The following NRG1 variants were observed in gnomAD, a reference collection of about 807,000 sequenced individuals.
NRG1 encodes pro-neuregulin-1, membrane-bound isoform.
In NRG1, 18 loss-of-function variants were observed where a neutral mutation model predicts 63.8. The observed-to-expected ratio is 0.28, with a 90% CI of 0.19 to 0.42. The LOEUF (loss-of-function observed/expected upper bound fraction) is 0.42, where lower values mean the gene tolerates loss of function less well. Among genes scored for constraint, NRG1 ranks in the 10% least tolerant of loss-of-function variants. The pLI, the probability that NRG1 is intolerant of heterozygous loss-of-function variation, is 1.00. For missense variants in NRG1, 762 were observed against 814.7 expected, an observed-to-expected ratio of 0.94 and a Z score of 0.79; for synonymous variants, 302 against 301.3, an observed-to-expected ratio of 1.00 and a Z score of -0.02.
chr8:32,266,966 T>C (rs1851019977), intron 1 of NRG1, among the ~76,000 whole-genome samples: 1 of 151,446 alleles, frequency 6.6e-6, no homozygotes, highest in African/African-American at 2.4e-5. Flanking sequence ...GGAGAATCAC[T>C]TGAACCTGGG....
intron 1 of NRG1, among the ~76,000 whole-genome samples, chr8:32,570,280 T>G (rs1838300483): frequency 6.6e-6 from 1 of 152,172 alleles, no homozygotes; most frequent in African/African-American, 2.4e-5. Flanking sequence ...ACCTTTTATT[T>G]TAGGTCTTAT....
At chr8:32,025,511 T>C (rs1046619158) in intron 1 of NRG1, among the ~76,000 whole-genome samples, 1 of 152,246 alleles carries the variant, frequency 6.6e-6, no homozygotes, top group Non-Finnish European at 1.5e-5. Flanking sequence ...ATTTTGCTTT[T>C]AGAGGAACTA....
chr8:31,776,276 C>A (rs1167024087), intron 1 of NRG1, among the ~76,000 whole-genome samples: 1 of 152,180 alleles, frequency 6.6e-6, no homozygotes, highest in Admixed American at 6.5e-5. Flanking sequence ...AACAGATGTC[C>A]TTGTGCCTCC....
At chr8:31,960,628 G>A (rs931040619) in intron 1 of NRG1, among the ~76,000 whole-genome samples, 3 of 152,182 alleles carry the variant, frequency 2.0e-5, no homozygotes, top group Middle Eastern at 3.2e-3. Context: ...TTGGTTTCCA[G>A]TCTACGGAGC....
At chr8:32,769,687 G>C (rs180884145), downstream of NRG1, among the ~76,000 whole-genome samples, 247 of 152,236 alleles carry the variant, frequency 1.6e-3, no homozygotes, top group African/African-American at 5.7e-3. Flanking sequence ...AGATTAACTT[G>C]GCAGGAAATA....
chr8:31,846,129 C>A (rs772702607), intron 1 of NRG1, among the ~76,000 whole-genome samples: 1 of 152,202 alleles, frequency 6.6e-6, no homozygotes, highest in African/African-American at 2.4e-5. Context: ...GCTGATAAGA[C>A]CTTCTCACAG....
rs573135960 is a variant in NRG1 at position 32,361,990 on chromosome 8, C to T, written c.38-233838C>T. Among the ~76,000 whole-genome samples the T allele has an allele frequency of 3.3e-5, 5 of 152,252 alleles. No homozygotes were observed. The South Asian group carries it at 6.2e-4, about 19-fold the overall frequency. The stretch of plus-strand genomic sequence containing the variant: ...CACAAAGCTGACTCCCATGAGCTCT[C>T]CAGAGATGATCTCAAGTGTCACTTT... On this transcript the variant is annotated intron_variant, in intron 1 of 10. Coordinates refer to the NRG1 transcript ENST00000519301.
intron 1 of NRG1, among the ~76,000 whole-genome samples, chr8:32,473,735 G>A (rs1824133602): frequency 2.0e-5 from 3 of 152,168 alleles, no homozygotes; most frequent in African/African-American, 4.8e-5. Flanking sequence ...CCAGGCTGGA[G>A]TGCAGGGACA....
chr8:32,101,534 A>T (rs6985006), intron 1 of NRG1, among the ~76,000 whole-genome samples: 5,904 of 148,964 alleles, frequency 0.04, 265 homozygotes, highest in African/African-American at 0.11. Context: ...AAGAAATATG[A>T]CCTAGACTGT....
intron 1 of NRG1, among the ~76,000 whole-genome samples, chr8:32,194,654 G>A (rs1437852207): frequency 6.6e-6 from 1 of 152,072 alleles, no homozygotes; most frequent in African/African-American, 2.4e-5. Context: ...CCCACTGAAT[G>A]TGCTTCTCTA....
intron 1 of NRG1, among the ~76,000 whole-genome samples, chr8:31,948,990 C>T (rs189970595): frequency 3.2e-4 from 48 of 152,058 alleles, no homozygotes; most frequent in East Asian, 3.1e-3. Flanking sequence ...TCAATTCAAA[C>T]GAAATGTATT....
intron 1 of NRG1, among the ~76,000 whole-genome samples, chr8:32,210,629 TA>T (rs1281773744): frequency 2.0e-5 from 3 of 152,180 alleles, no homozygotes; most frequent in Non-Finnish European, 4.4e-5. Context: ...ACTTCATCAC[TA>T]AAAAAGCCAA....
chr8:32,535,781 T>C (rs1831903896), intron 1 of NRG1, among the ~76,000 whole-genome samples: 1 of 152,178 alleles, frequency 6.6e-6, no homozygotes, highest in African/African-American at 2.4e-5. Flanking sequence ...TAAAATACCA[T>C]GTCAGCGCAC....
At chr8:31,755,894 T>A (rs1454361759) in intron 1 of NRG1, among the ~76,000 whole-genome samples, 1 of 152,112 alleles carries the variant, frequency 6.6e-6, no homozygotes, top group East Asian at 1.9e-4. Flanking sequence ...AGAAAAAGAT[T>A]TTCCCATAGG....
At chr8:32,155,274 G>T (rs1483778811) in intron 1 of NRG1, among the ~76,000 whole-genome samples, 1 of 151,988 alleles carries the variant, frequency 6.6e-6, no homozygotes, top group African/African-American at 2.4e-5. Flanking sequence ...TAATACTCTT[G>T]CTCCACAAAG....
intron 1 of NRG1, among the ~76,000 whole-genome samples, chr8:31,949,361 C>G (rs889716143): frequency 2.4e-4 from 37 of 152,176 alleles, no homozygotes; most frequent in Non-Finnish European, 4.3e-4. Context: ...ACTTGTCTGC[C>G]TTTATCATCT....
chr8:31,948,031 A>T (rs402467), intron 1 of NRG1, among the ~76,000 whole-genome samples: 4,722 of 151,196 alleles, frequency 0.031, 250 homozygotes, highest in African/African-American at 0.11. Context: ...ATTACTATAT[A>T]TATTTATAAA....
intron 1 of NRG1, among the ~76,000 whole-genome samples, chr8:31,938,716 A>G (rs1801311443): frequency 6.6e-6 from 1 of 152,208 alleles, no homozygotes; most frequent in Non-Finnish European, 1.5e-5. Flanking sequence ...TAAATAAAAA[A>G]CAATTGCAAC....
chr8:32,485,025 T>TC (rs1354312654), intron 1 of NRG1, among the ~76,000 whole-genome samples: 4 of 152,142 alleles, frequency 2.6e-5, no homozygotes, highest in African/African-American at 9.7e-5. Context: ...CTAAACTTCT[T>TC]GAAATTGAAA....
Sources: gnomAD v4.1 joint callset for allele counts (sites outside exome capture counted in the v4.1 genomes callset) on GRCh38, gnomAD v4.1.1 for gene constraint, MANE v1.5 for transcripts, NCBI Gene and HGNC (gene_info 2026-07-23, HGNC 2026-07-21) for gene names.